Variants in HTRA1 observed in about 807,000 individuals in gnomAD.
The protein encoded by HTRA1 is HtrA serine peptidase 1, also known as serine protease HTRA1.
Under a neutral mutation model 49.7 loss-of-function variants are expected in HTRA1, and 26 were observed. The observed-to-expected ratio is 0.52, with a 90% confidence interval of 0.38 to 0.73. The LOEUF (loss-of-function observed/expected upper bound fraction) is 0.73. Among genes scored for constraint, HTRA1 ranks in the 30% least tolerant of loss-of-function variants. HTRA1 has a pLI of 0.00. For missense variants in HTRA1, 561 were observed against 667.2 expected (o/e 0.84, Z 1.75); for synonymous variants, 291 against 286.9 (o/e 1.01, Z -0.14).
chr10:122,477,209 T>C (rs900842613), intron 1 of HTRA1, among the ~76,000 whole-genome samples: 76 of 152,216 alleles, frequency 5.0e-4, no homozygotes, highest in South Asian at 1.0e-3. Context: ...CCTCATGATC[T>C]GCCCACCTTG....
chr10:122,470,395 T>C (rs537520023), intron 1 of HTRA1, among the ~76,000 whole-genome samples: 37 of 152,268 alleles, frequency 2.4e-4, no homozygotes, highest in African/African-American at 8.4e-4. Context: ...CTTCGTCAAC[T>C]CCTAAAGCTT....
chr10:122,506,654 T>C lies in HTRA1; in HGVS notation c.778-37T>C, dbSNP rs2097503181. 3 of 1,591,020 alleles carry C rather than the reference T, an allele frequency of 1.9e-6. No individual in the cohort carries two copies. Among genetic ancestry groups the C allele is most frequent in the Non-Finnish European group, 2.6e-6 (3 of 1,165,604 alleles). On this transcript the variant is annotated intron_variant, in intron 3 of 8. Coordinates refer to ENST00000368984, the MANE Select transcript of HTRA1 (RefSeq NM_002775.5). This position sits in a 1 kb window ranked among gnomAD's most constrained non-coding sequence, Gnocchi z 5.2. ...TGTGCCTTTACCTATTTGGTTAAAT[T>C]AAACCAACTCAGCAACGCCAGCCAT... is the stretch of plus-strand genomic sequence containing the variant.
intron 1 of HTRA1, among the ~76,000 whole-genome samples, chr10:122,488,534 C>A (rs1296861574): frequency 6.6e-6 from 1 of 152,090 alleles, no homozygotes; most frequent in African/African-American, 2.4e-5. Context: ...TGCACTCCAG[C>A]CTGGGTGACA....
chr10:122,462,216 G>A (rs2097481780), intron 1 of HTRA1, 92 bp downstream of exon 1: 3 of 1,143,306 alleles, frequency 2.6e-6, no homozygotes, highest in East Asian at 2.7e-5. Flanking sequence ...GAGGGGCAGC[G>A]AAGCGTTGTG....
rs1432594571 is a variant in HTRA1 at position 122,506,886 on chromosome 10, G to C, written c.972+1G>C. On this transcript the variant is annotated splice_donor_variant, in intron 4 of 8. Transcript: ENST00000368984. LOFTEE classifies it high-confidence loss of function. The surrounding 1 kb of genome is among the most constrained non-coding windows in gnomAD (Gnocchi z 5.2). ...CATCCAGACCGACGCCATCATCAACGTGAGCCTCTGTCCCTCTGCGGGTGG... is the reference window on the plus strand; with the variant it reads ...CATCCAGACCGACGCCATCATCAACCTGAGCCTCTGTCCCTCTGCGGGTGG... The C allele has an allele frequency of 6.2e-7, 1 of 1,613,112 alleles. No individual in the cohort carries two copies. The highest frequency in any genetic ancestry group is 1.1e-5 in the South Asian group (1 of 91,074).
At chr10:122,472,518 C>A (rs2097486615) in intron 1 of HTRA1, among the ~76,000 whole-genome samples, 1 of 151,972 alleles carries the variant, frequency 6.6e-6, no homozygotes, top group Admixed American at 6.6e-5. Flanking sequence ...GCCTCAGCCT[C>A]CTCAGTAGCT....
In HTRA1 at chr10:122,508,736, G is replaced by C. The variant is rs759123826; in HGVS notation, c.1086G>C (p.Lys362Asn). 1 of 1,613,686 alleles carries C rather than the reference G, an allele frequency of 6.2e-7. No individual in the cohort carries two copies. The highest frequency in any genetic ancestry group is 8.5e-7 in the Non-Finnish European group (1 of 1,179,554). ...SFAIPSDKIK[K>N]FLTESHDRQA... ...CAATCCCATCTGATAAGATTAAAAAGTTCCTCACGGAGTCCCATGACCGAC... is the reference window on the plus strand; with the variant it reads ...CAATCCCATCTGATAAGATTAAAAACTTCCTCACGGAGTCCCATGACCGAC... The change falls in exon 6 of 9, where the codon AAG becomes AAC. Residue 362 changes from lysine (K) to asparagine (N), a missense_variant. Transcript: ENST00000368984.
intron 3 of HTRA1, among the ~76,000 whole-genome samples, chr10:122,505,600 G>A (rs771437389): frequency 7.2e-5 from 11 of 152,120 alleles, no homozygotes; most frequent in South Asian, 2.1e-4. Context: ...CCTGGTGGAG[G>A]AGATGACTCA....
At position 122,462,064 on chromosome 10, in the gene HTRA1, C is replaced by A; in HGVS notation, c.412C>A (p.Arg138Ser). ...GTGCCAGCTGCGCGCCGCCAGCCGC[C>A]GCTCCGAGAGGCTGCACCGGCCGCC... ...NLCQLRAASR[R>S]SERLHRPPVI... Residue 138 changes from arginine (R) to serine (S), a missense_variant, in exon 1 of 9, where the codon CGC (arginine) becomes AGC (serine). Physicochemically the swap from Arg to Ser is moderately radical, Grantham distance 110 (BLOSUM62 -1). Coordinates refer to ENST00000368984, the MANE Select transcript of HTRA1 (RefSeq NM_002775.5). 7 of 1,535,964 alleles carry A rather than the reference C, an allele frequency of 4.6e-6. No homozygotes were observed. The highest frequency in any genetic ancestry group is 6.1e-6 in the Non-Finnish European group (7 of 1,147,710).
intron 1 of HTRA1, among the ~76,000 whole-genome samples, chr10:122,480,245 G>C (rs2097490402): frequency 6.6e-6 from 1 of 151,916 alleles, no homozygotes; most frequent in Non-Finnish European, 1.5e-5. Context: ...AGTGTGGCTG[G>C]CCCCACGGGG....
At chr10:122,475,769 G>A (rs552790908) in intron 1 of HTRA1, among the ~76,000 whole-genome samples, 1 of 152,276 alleles carries the variant, frequency 6.6e-6, no homozygotes, top group African/African-American at 2.4e-5. Context: ...TGTCCCCGGC[G>A]CCCTGGAATG....
In HTRA1 at chr10:122,506,495, T is replaced by C. The variant is rs920908037; in HGVS notation, c.778-196T>C. Among the ~76,000 whole-genome samples, 2 of 151,990 alleles carry C rather than the reference T, an allele frequency of 1.3e-5. No homozygotes were observed. Among genetic ancestry groups the C allele is most frequent in the African/African-American group, 4.8e-5 (2 of 41,388 alleles). ...TCACTGGCTCCCGCACGGCTTGCAA[T>C]GTGTGGATTACGGGTGGGAGGGAAA... On this transcript the variant is annotated intron_variant, in intron 3 of 8. Coordinates refer to ENST00000368984, the MANE Select transcript of HTRA1 (RefSeq NM_002775.5). This position sits in a 1 kb window ranked among gnomAD's most constrained non-coding sequence, Gnocchi z 5.2.
chr10:122,489,752 A>C, intron 3 of HTRA1, 126 bp downstream of exon 3: 1 of 895,106 alleles, frequency 1.1e-6, no homozygotes, highest in Admixed American at 2.0e-5. Context: ...AGCCAGTCAC[A>C]GGAGGGCCTT....
chr10:122,477,728 G>T (rs1250003556), intron 1 of HTRA1, among the ~76,000 whole-genome samples: 1 of 152,178 alleles, frequency 6.6e-6, no homozygotes, highest in African/African-American at 2.4e-5. Context: ...AGCTGTGGGG[G>T]CCCAGCAGGC....
rs577255940 is a variant in HTRA1, at chr10:122,494,039, C to T, written c.777+4413C>T. On this transcript the variant is annotated intron_variant, in intron 3 of 8. Coordinates refer to ENST00000368984, the MANE Select transcript of HTRA1 (RefSeq NM_002775.5). This position sits in a 1 kb window ranked among gnomAD's most constrained non-coding sequence, Gnocchi z 4.0. ...CTGCCTTAGACATCTCTCCCCACCC[C>T]GCTGTGTGAGGTAGCGCCCCATGCC... is the stretch of plus-strand genomic sequence containing the variant. Among the ~76,000 whole-genome samples the T allele has an allele frequency of 2.0e-5, 3 of 152,268 alleles. No homozygotes were observed. The highest frequency in any genetic ancestry group is 2.1e-4 in the South Asian group (1 of 4,822).
chr10:122,478,690 TGA>T (rs2097489731), intron 1 of HTRA1, among the ~76,000 whole-genome samples: 1 of 151,978 alleles, frequency 6.6e-6, no homozygotes, highest in African/African-American at 2.4e-5. Context: ...CTCGCCCGGC[TGA>T]GTTTGACCAG....
chr10:122,510,124 TG>T lies in HTRA1; in HGVS notation c.1151del (p.Gly384ValfsTer4). Reference protein sequence around the residue: ...GKAITKKKYIGIRMMSLTSSK... With the variant: ...GKAITKKKYIXIRMMSLTSSK... The stretch of plus-strand genomic sequence containing the variant: ...AAGCCATCACCAAGAAGAAGTATAT[TG>T]GTATCCGAATGATGTCACTCACGTC... On this transcript the variant is annotated frameshift_variant, in exon 7 of 9. Coordinates refer to ENST00000368984, the MANE Select transcript of HTRA1 (RefSeq NM_002775.5). LOFTEE classifies it high-confidence loss of function. 6.2e-7 allele frequency: 1 copy of T among 1,614,108 alleles called. No individual in the cohort carries two copies. The highest frequency in any genetic ancestry group is 8.5e-7 in the Non-Finnish European group (1 of 1,179,950).
At chr10:122,500,618 G>A (rs2097500493) in intron 3 of HTRA1, among the ~76,000 whole-genome samples, 1 of 152,176 alleles carries the variant, frequency 6.6e-6, no homozygotes, top group Non-Finnish European at 1.5e-5. Flanking sequence ...ATGTGTGTGC[G>A]TGTGTGTGCA....
At chr10:122,484,441 G>A (rs551555740) in intron 1 of HTRA1, among the ~76,000 whole-genome samples, 63 of 152,310 alleles carry the variant, frequency 4.1e-4, no homozygotes, top group Admixed American at 2.0e-3. Context: ...TACCTTCGCA[G>A]TGACATGACG....
Sources: gnomAD v4.1 joint callset for allele counts (sites outside exome capture counted in the v4.1 genomes callset) on GRCh38, gnomAD v4.1.1 for gene constraint, Gnocchi (gnomAD v3.1) non-coding constraint, MANE v1.5 for transcripts, NCBI Gene and HGNC (gene_info 2026-07-23, HGNC 2026-07-21) for gene names.